MYO1D: variants seen among roughly 807,000 people sequenced by gnomAD.
The protein encoded by MYO1D is myosin ID.
A neutral mutation model predicts 122.0 loss-of-function variants in MYO1D; 83 were observed. The observed-to-expected ratio is 0.68, with a 90% CI of 0.57 to 0.82. MYO1D has a LOEUF of 0.82. Among genes scored for constraint, MYO1D ranks in the 40% least tolerant of loss-of-function variants. The probability of loss-of-function intolerance (pLI) is 0.00; values close to 1 mark genes in which losing one functional copy is unlikely to be tolerated. For synonymous variants in MYO1D, 464 were observed against 446.9 expected (o/e 1.04, Z -0.48); for missense variants, 1,157 against 1,269.5 (o/e 0.91, Z 1.35).
In MYO1D at chr17:32,712,195, C is replaced by T; in HGVS notation, c.1914G>A (p.Arg638=). The T allele has an allele frequency of 6.2e-7, 1 of 1,611,056 alleles. No homozygotes were observed. The highest frequency in any genetic ancestry group is 1.1e-5 in the South Asian group (1 of 90,966). Reference sequence around the variant, plus strand: ...AGGTGAATTCAGAGATCATCTTATACCTGGATGAAAAAAAGAAACAGGGTT... The same window carrying T: ...AGGTGAATTCAGAGATCATCTTATATCTGGATGAAAAAAAGAAACAGGGTT... ...FRQTYEKFLH[R]YKMISEFTWP... Residue 638 remains arginine (R), a splice_region_variant and synonymous_variant, in exon 16 of 22, where the codon AGG becomes AGA. Coordinates refer to ENST00000318217, the MANE Select transcript of MYO1D (RefSeq NM_015194.3).
chr17:32,536,290 CT>C (rs759599030), intron 21 of MYO1D, among the ~76,000 whole-genome samples: 12 of 152,096 alleles, frequency 7.9e-5, no homozygotes, highest in Admixed American at 7.2e-4. Context: ...CCACCTCGGC[CT>C]CCCAAAGTGC....
At position 32,723,461 on chromosome 17, in the gene MYO1D, C is replaced by A. The variant is rs558935345; in HGVS notation, c.1747-2272G>T. Among the ~76,000 whole-genome samples, 6 of 152,264 alleles carry A rather than the reference C, an allele frequency of 3.9e-5. No homozygotes were observed. The South Asian group carries it at 1.2e-3, about 32-fold the overall frequency. ...GCCTAGTACACCTGCCCTTTTTCAT[C>A]TTGTCATCTGTAGCAGAAGGAAAAA... On this transcript the variant is annotated intron_variant, in intron 14 of 21. Coordinates refer to ENST00000318217, the MANE Select transcript of MYO1D (RefSeq NM_015194.3).
At chr17:32,648,667 A>T (rs578229954) in intron 19 of MYO1D, among the ~76,000 whole-genome samples, 122 of 152,322 alleles carry the variant, frequency 8.0e-4, no homozygotes, top group African/African-American at 2.7e-3. Context: ...AACCTCCATA[A>T]ACTCAAAATT....
chr17:32,869,026 T>C (rs547462824), intron 1 of MYO1D, among the ~76,000 whole-genome samples: 33 of 147,462 alleles, frequency 2.2e-4, no homozygotes, highest in African/African-American at 7.6e-4. Flanking sequence ...CTGACCAACA[T>C]AGCAAAACCC....
chr17:32,626,520 T>C (rs2087930187), intron 20 of MYO1D, among the ~76,000 whole-genome samples: 1 of 152,196 alleles, frequency 6.6e-6, no homozygotes, highest in African/African-American at 2.4e-5. Flanking sequence ...ATCTTTTACA[T>C]ATGAAATTGA....
chr17:32,674,322 T>C (rs2088772163), intron 16 of MYO1D, among the ~76,000 whole-genome samples: 1 of 152,236 alleles, frequency 6.6e-6, no homozygotes, highest in Non-Finnish European at 1.5e-5. Context: ...CAGCATTCTA[T>C]CATAACAGCT....
intron 21 of MYO1D, among the ~76,000 whole-genome samples, chr17:32,603,521 C>CT (rs776245633): frequency 0.014 from 1,380 of 99,644 alleles, 33 homozygotes; most frequent in Non-Finnish European, 0.017. Context: ...ACATTCTAAA[C>CT]TTTTTTTTTT....
At chr17:32,792,914 T>C (rs901912642) in intron 1 of MYO1D, among the ~76,000 whole-genome samples, 5 of 152,036 alleles carry the variant, frequency 3.3e-5, no homozygotes, top group African/African-American at 1.2e-4. Context: ...ATTATGAGCT[T>C]TAGAGTCATA....
At chr17:32,512,254 G>T (rs2706758) in intron 21 of MYO1D, among the ~76,000 whole-genome samples, 2,475 of 151,994 alleles carry the variant, frequency 0.016, 73 homozygotes, top group African/African-American at 0.055. Context: ...GAGCAGAGAT[G>T]GCGCCACTGC....
chr17:32,683,921 C>T (rs1053525061), intron 16 of MYO1D, among the ~76,000 whole-genome samples: 2 of 152,110 alleles, frequency 1.3e-5, no homozygotes, highest in African/African-American at 2.4e-5. Context: ...TAGGACCCTC[C>T]GAGCCAGGTG....
chr17:32,717,091 T>A (rs2089457187), intron 15 of MYO1D, among the ~76,000 whole-genome samples: 3 of 152,222 alleles, frequency 2.0e-5, no homozygotes, highest in Admixed American at 1.3e-4. Flanking sequence ...TTTTCTCTCA[T>A]CATCACTGGA....
chr17:32,642,098 A>G (rs1311410686), intron 19 of MYO1D, among the ~76,000 whole-genome samples: 3 of 152,140 alleles, frequency 2.0e-5, no homozygotes, highest in Non-Finnish European at 4.4e-5. Context: ...ATCTTGAATT[A>G]ATTTTTGTAT....
chr17:32,524,775 C>G (rs757597964), intron 21 of MYO1D, among the ~76,000 whole-genome samples: 1 of 152,126 alleles, frequency 6.6e-6, no homozygotes, highest in Non-Finnish European at 1.5e-5. Context: ...GTTGGTTAGG[C>G]TGGTCTTGAA....
intron 21 of MYO1D, among the ~76,000 whole-genome samples, chr17:32,526,605 C>CT (rs35471319): frequency 0.045 from 6,485 of 145,562 alleles, 229 homozygotes; most frequent in African/African-American, 0.11. Context: ...ATAAAGCCTT[C>CT]TTTTTTTTTT....
chr17:32,525,729 A>G (rs1169158329), intron 21 of MYO1D, among the ~76,000 whole-genome samples: 2 of 152,096 alleles, frequency 1.3e-5, no homozygotes, highest in Non-Finnish European at 2.9e-5. Context: ...TTCTAATTGG[A>G]GCCCATCCTG....
At chr17:32,553,656 C>T (rs891473620) in intron 21 of MYO1D, among the ~76,000 whole-genome samples, 2 of 152,190 alleles carry the variant, frequency 1.3e-5, no homozygotes, top group African/African-American at 4.8e-5. Context: ...TCTGCTTCTC[C>T]TACTTCTTTG....
intron 21 of MYO1D, among the ~76,000 whole-genome samples, chr17:32,594,038 T>G (rs2087465147): frequency 6.6e-6 from 1 of 152,270 alleles, no homozygotes; most frequent in Non-Finnish European, 1.5e-5. Context: ...GGGCTCCTTC[T>G]TATAGCCCAC....
At chr17:32,502,946 C>G (rs1909366993) in intron 21 of MYO1D, among the ~76,000 whole-genome samples, 1 of 152,200 alleles carries the variant, frequency 6.6e-6, no homozygotes, top group South Asian at 2.1e-4. Context: ...CCCTCCCCAT[C>G]CTCTGTTACA....
intron 20 of MYO1D, among the ~76,000 whole-genome samples, chr17:32,613,490 T>C (rs2087729487): frequency 6.6e-6 from 1 of 152,042 alleles, no homozygotes; most frequent in South Asian, 2.1e-4. Context: ...AATACCTCAA[T>C]ATAGGCCAGG....
Sources: gnomAD v4.1 joint callset for allele counts (sites outside exome capture counted in the v4.1 genomes callset) on GRCh38, gnomAD v4.1.1 for gene constraint, MANE v1.5 for transcripts, NCBI Gene and HGNC (gene_info 2026-07-23, HGNC 2026-07-21) for gene names.